The following SRGN variants were observed in gnomAD, a reference collection of about 807,000 sequenced individuals.
SRGN encodes hematopoetic proteoglycan core peptide.
A neutral mutation model predicts 9.5 loss-of-function variants in SRGN; 2 were observed. The observed-to-expected ratio is 0.21, with a 90% CI of 0.09 to 0.66. The LOEUF (loss-of-function observed/expected upper bound fraction) is 0.66. Among genes scored for constraint, SRGN ranks in the 30% least tolerant of loss-of-function variants. The pLI is 0.83. For synonymous variants in SRGN, 59 were observed against 72.3 expected (o/e 0.82, Z 0.93); for missense variants, 170 against 192.4 (o/e 0.88, Z 0.69).
At chr10:69,092,794 C>CA (rs11456015) in intron 1 of SRGN, among the ~76,000 whole-genome samples, 93,199 of 117,998 alleles carry the variant, frequency 0.79, 36,460 homozygotes, top group Middle Eastern at 0.89. Context: ...ACTCTGTCTC[C>CA]AAAAAAAAAA....
rs555777846 is a variant in SRGN at position 69,089,180 on chromosome 10, T to C, written c.79+944T>C. 3.9e-5 allele frequency among the ~76,000 whole-genome samples: 6 copies of C among 152,354 alleles called. No homozygotes were observed. The South Asian group carries it at 1.2e-3, about 32-fold the overall frequency. ...GATCTTACTTCCGGTGGAGATGAAA[T>C]CTTACAGATGATCGCAGAGACATTC... On this transcript the variant is annotated intron_variant, in intron 1 of 2. Coordinates refer to ENST00000242465, the MANE Select transcript of SRGN (RefSeq NM_002727.4).
At position 69,104,531 on chromosome 10, in the gene SRGN, A is replaced by C. The variant is rs529227839; in HGVS notation, c.*411A>C. 0.011 allele frequency: 1,709 copies of C among 156,322 alleles called. 22 individuals carry two copies. The highest frequency in any genetic ancestry group is 0.039 in the African/African-American group (1,597 of 41,130). 9.7% of individuals were successfully genotyped at this position (156,322 alleles called of 1,614,324 possible). A position where few individuals can be genotyped will look rare whatever the true frequency, so the allele number is the denominator to read the frequency against. ...ATGCCCCTTTTCTTATAAAAACAAAAAAAAAAATAATGAAACACAGTGAAT... is the reference window on the plus strand; with the variant it reads ...ATGCCCCTTTTCTTATAAAAACAAACAAAAAAATAATGAAACACAGTGAAT... On this transcript the variant is annotated 3_prime_UTR_variant, in exon 3 of 3. Transcript: ENST00000242465.
intron 1 of SRGN, among the ~76,000 whole-genome samples, chr10:69,096,014 G>A (rs1199915286): frequency 6.6e-6 from 1 of 152,196 alleles, no homozygotes; most frequent in Admixed American, 6.5e-5. Flanking sequence ...AAGAAGCTGA[G>A]ACTCAGATAT....
In SRGN at chr10:69,104,072, C is replaced by T. The variant is rs1461619355; in HGVS notation, c.429C>T (p.Asp143=). The T allele has an allele frequency of 1.9e-6, 3 of 1,614,186 alleles. No individual in the cohort carries two copies. In the Admixed American group the frequency reaches 5.0e-5, roughly 27 times the overall value. ...CTCTTGACAGGAATCTGCCCTCAGA[C>T]AGCCAGGACTTGGGTCAACATGGAT... ...LRSLDRNLPS[D]SQDLGQHGLE... is the part of the protein sequence containing the mutation. The change falls in exon 3 of 3, where the codon GAC becomes GAT. Residue 143 remains aspartate (D), a synonymous_variant. Transcript: ENST00000242465.
intron 2 of SRGN, among the ~76,000 whole-genome samples, chr10:69,100,719 C>T (rs2008553): frequency 2.6e-5 from 4 of 151,928 alleles, no homozygotes; most frequent in Admixed American, 6.6e-5. Context: ...TGACCCCTGG[C>T]GTCTGCATTT....
intron 1 of SRGN, among the ~76,000 whole-genome samples, chr10:69,091,403 G>T (rs1038571407): frequency 6.6e-6 from 1 of 152,176 alleles, no homozygotes; most frequent in Non-Finnish European, 1.5e-5. Context: ...GCTTTTTATA[G>T]CTTGTCAAAC....
At chr10:69,090,979 G>A (rs947979366) in intron 1 of SRGN, among the ~76,000 whole-genome samples, 17 of 152,092 alleles carry the variant, frequency 1.1e-4, no homozygotes, top group African/African-American at 3.4e-4. Flanking sequence ...GGCCAGGCCC[G>A]CCATGTGTCC....
At chr10:69,093,235 T>C (rs1840101956) in intron 1 of SRGN, among the ~76,000 whole-genome samples, 1 of 152,208 alleles carries the variant, frequency 6.6e-6, no homozygotes, top group African/African-American at 2.4e-5. Flanking sequence ...ATGCAAAATA[T>C]ACAAGATTTG....
At position 69,103,880 on chromosome 10, in the gene SRGN, A is replaced by T; in HGVS notation, c.237A>T (p.Arg79Ser). 6.2e-7 allele frequency: 1 copy of T among 1,613,632 alleles called. No individual in the cohort carries two copies. Among genetic ancestry groups the T allele is most frequent in the Non-Finnish European group, 8.5e-7 (1 of 1,179,648 alleles). Residue 79 changes from arginine (R) to serine (S), a missense_variant, in exon 3 of 3, where the codon AGA (arginine) becomes AGT (serine). Coordinates refer to ENST00000242465, the MANE Select transcript of SRGN (RefSeq NM_002727.4). ...RLRTDLFPKTRIQDLNRIFPL... is the reference protein window; with the variant it reads ...RLRTDLFPKTSIQDLNRIFPL... ...TTCTTTCATACTTCAGAAAGACGAG[A>T]ATCCAGGACTTGAATCGTATCTTCC...
In SRGN at chr10:69,103,961, A is replaced by G. The variant is rs781107925; in HGVS notation, c.318A>G (p.Ser106=). ...TCGGCTCCGGCTCCGGCTCTGGATC[A>G]GGATCTGGGAGTGGCTTCCTAACGG... The part of the protein sequence containing the change: ...SGFGSGSGSG[S]GSGSGFLTEM... Residue 106 remains serine, a synonymous_variant, in exon 3 of 3, where the codon TCA becomes TCG. Transcript: ENST00000242465. The G allele has an allele frequency of 6.2e-7, 1 of 1,614,174 alleles. No individual in the cohort carries two copies. Among genetic ancestry groups the G allele is most frequent in the Non-Finnish European group, 8.5e-7 (1 of 1,180,034 alleles).
chr10:69,099,544 G>A (rs1840248561), intron 2 of SRGN, among the ~76,000 whole-genome samples: 1 of 151,828 alleles, frequency 6.6e-6, no homozygotes. Context: ...AACTCAAGCA[G>A]TCCTCCCACC....
chr10:69,099,782 T>C (rs1158100877), intron 2 of SRGN, among the ~76,000 whole-genome samples: 4 of 152,242 alleles, frequency 2.6e-5, no homozygotes, highest in African/African-American at 9.6e-5. Flanking sequence ...CTTTAAATCA[T>C]TGGTTTCAAT....
intron 1 of SRGN, among the ~76,000 whole-genome samples, chr10:69,091,909 G>GAAAAAAAAAAAAAAAAA (rs1208815472): frequency 3.2e-5 from 2 of 62,028 alleles, no homozygotes; most frequent in Non-Finnish European, 6.3e-5. Flanking sequence ...AAAAAAAAAA[G>GAAAAAAAAAAAAAAAAA]AAAAAGAAAA....
chr10:69,104,184 A>G lies in SRGN; in HGVS notation c.*64A>G, dbSNP rs927533915. The G allele has an allele frequency of 8.4e-5, 130 of 1,538,846 alleles. No individual in the cohort carries two copies. Among genetic ancestry groups the G allele is most frequent in the Non-Finnish European group, 1.1e-4 (127 of 1,140,168 alleles). On this transcript the variant is annotated 3_prime_UTR_variant, in exon 3 of 3. Coordinates refer to ENST00000242465, the MANE Select transcript of SRGN (RefSeq NM_002727.4). ...AGCATATTTTATGTACCATGGTTAT[A>G]TGATTAATCTTGGGACAAAGAATTT...
At chr10:69,098,663 T>C (rs1334612598) in intron 2 of SRGN, 2 of 152,052 alleles carry the variant, frequency 1.3e-5, no homozygotes, top group Admixed American at 6.6e-5. Context: ...TAGTTGGTAA[T>C]TATTTTTAAA....
At chr10:69,090,396 G>C (rs963214058) in intron 1 of SRGN, among the ~76,000 whole-genome samples, 4 of 152,190 alleles carry the variant, frequency 2.6e-5, no homozygotes, top group African/African-American at 9.6e-5. Flanking sequence ...CCATAACAAA[G>C]TACCACGGAC....
chr10:69,098,036 C>T (rs1030966013), intron 2 of SRGN, among the ~76,000 whole-genome samples: 2 of 152,010 alleles, frequency 1.3e-5, no homozygotes, highest in South Asian at 2.1e-4. Context: ...ATGACATGTG[C>T]GAGTATACAT....
At chr10:69,094,338 G>A (rs1840130250) in intron 1 of SRGN, among the ~76,000 whole-genome samples, 1 of 152,096 alleles carries the variant, frequency 6.6e-6, no homozygotes, top group South Asian at 2.1e-4. Flanking sequence ...ACAAAGAAAA[G>A]AAAGAAAATC....
chr10:69,090,481 GGT>G, intron 1 of SRGN, among the ~76,000 whole-genome samples: 1 of 152,066 alleles, frequency 6.6e-6, no homozygotes, highest in Non-Finnish European at 1.5e-5. Context: ...GTGCTGGCAG[GGT>G]CGATCGCATT....
Sources: gnomAD v4.1 joint callset for allele counts (sites outside exome capture counted in the v4.1 genomes callset) on GRCh38, gnomAD v4.1.1 for gene constraint, MANE v1.5 for transcripts, NCBI Gene and HGNC (gene_info 2026-07-23, HGNC 2026-07-21) for gene names.